NWD2: variants seen among roughly 807,000 people sequenced by gnomAD.
The protein encoded by NWD2 is NACHT and WD repeat domain containing 2.
NWD2 carries 37 observed loss-of-function variants against 132.7 expected under a neutral mutation model. That is an observed-to-expected ratio of 0.28 (90% CI 0.21 to 0.37). The LOEUF (loss-of-function observed/expected upper bound fraction) is 0.37. Among genes scored for constraint, NWD2 ranks in the 10% least tolerant of loss-of-function variants. NWD2 has a pLI of 1.00. For missense variants in NWD2, 1,592 were observed against 2,122.4 expected (o/e 0.75, Z 4.91); for synonymous variants, 705 against 803.0 (o/e 0.88, Z 2.06).
rs776717117 is a variant in NWD2, at chr4:37,445,868, A to G, written c.3880A>G (p.Thr1294Ala). ...SHHNMLLSLS[T>A]SGVLSIWDID... ...CCACAATATGCTACTGTCTTTATCAACCAGTGGTGTTCTTTCCATTTGGGA... is the reference window on the plus strand; with the variant it reads ...CCACAATATGCTACTGTCTTTATCAGCCAGTGGTGTTCTTTCCATTTGGGA... Residue 1294 changes from threonine (T) to alanine (A), a missense_variant, in exon 7 of 7, where the codon ACC (threonine) becomes GCC (alanine). This residue lies in a region of NWD2 where 1,071 missense variants were observed against 1,398.0 expected (regional missense o/e 0.77). Coordinates refer to ENST00000309447, the MANE Select transcript of NWD2 (RefSeq NM_001144990.2). The surrounding 1 kb of genome is among the most constrained non-coding windows in gnomAD (Gnocchi z 4.7). 63 of 1,551,894 alleles carry G rather than the reference A, an allele frequency of 4.1e-5. No homozygotes were observed. Among genetic ancestry groups the G allele is most frequent in the Non-Finnish European group, 4.4e-5 (50 of 1,147,048 alleles).
At chr4:37,424,404 C>G (rs1560252371) in intron 3 of NWD2, among the ~76,000 whole-genome samples, 1 of 152,148 alleles carries the variant, frequency 6.6e-6, no homozygotes, top group Non-Finnish European at 1.5e-5. Flanking sequence ...CTTGGGCAAG[C>G]CTGCTGAGGT....
At chr4:37,378,970 A>G (rs1720401026) in intron 3 of NWD2, among the ~76,000 whole-genome samples, 1 of 152,254 alleles carries the variant, frequency 6.6e-6, no homozygotes, top group South Asian at 2.1e-4. Context: ...TTATAAAGCT[A>G]CTTACAATTG....
At chr4:37,257,563 A>G (rs755166547) in intron 1 of NWD2, among the ~76,000 whole-genome samples, 2 of 152,220 alleles carry the variant, frequency 1.3e-5, no homozygotes, top group African/African-American at 2.4e-5. Flanking sequence ...CTTAAAAATT[A>G]TAGGTCAGAA....
chr4:37,335,469 A>G (rs1719387450), intron 2 of NWD2, among the ~76,000 whole-genome samples: 1 of 152,084 alleles, frequency 6.6e-6, no homozygotes, highest in Non-Finnish European at 1.5e-5. Context: ...TCCCCCACTA[A>G]CTGGGAGCTC....
At chr4:37,341,368 C>T (rs1719519494) in intron 2 of NWD2, among the ~76,000 whole-genome samples, 1 of 152,126 alleles carries the variant, frequency 6.6e-6, no homozygotes, top group Non-Finnish European at 1.5e-5. Context: ...AGGATATAAC[C>T]TCACTGTAAG....
chr4:37,326,439 GC>G (rs1356167108), intron 2 of NWD2, among the ~76,000 whole-genome samples: 30 of 152,110 alleles, frequency 2.0e-4, no homozygotes, highest in Middle Eastern at 3.4e-3. Flanking sequence ...CTTCTGTCTT[GC>G]CTTTAACTTT....
At chr4:37,388,557 T>C (rs1167616292) in intron 3 of NWD2, among the ~76,000 whole-genome samples, 1 of 150,414 alleles carries the variant, frequency 6.6e-6, no homozygotes, top group African/African-American at 2.4e-5. Context: ...GTTTTACTTC[T>C]ATTGTGGAAA....
intron 5 of NWD2, among the ~76,000 whole-genome samples, chr4:37,436,616 G>T (rs1453526192): frequency 6.6e-6 from 1 of 152,122 alleles, no homozygotes; most frequent in Non-Finnish European, 1.5e-5. Context: ...GGAGTCAAAG[G>T]TGGCAGAGCA....
At chr4:37,284,049 C>A (rs375598404) in intron 1 of NWD2, among the ~76,000 whole-genome samples, 1 of 152,144 alleles carries the variant, frequency 6.6e-6, no homozygotes, top group African/African-American at 2.4e-5. Context: ...TCAGTATAGA[C>A]CATTTATCTT....
Position 37,356,359 on chromosome 4 carries a change from TC to T in NWD2, c.241-3del. 1 of 1,486,282 alleles carries T rather than the reference TC, an allele frequency of 6.7e-7. No homozygotes were observed. The highest frequency in any genetic ancestry group is 9.1e-7 in the Non-Finnish European group (1 of 1,093,220). 92.1% of individuals were successfully genotyped at this position (1,486,282 alleles called of 1,614,324 possible). On this transcript the variant is annotated splice_polypyrimidine_tract_variant and splice_region_variant and intron_variant, in intron 2 of 6. Transcript: ENST00000309447. Reference sequence around the variant, plus strand: ...TAAACTAATGCTCTTCATCCATCTGTCCCCAGGTCATAGATCTGTACTGGGG... The same window carrying T: ...TAAACTAATGCTCTTCATCCATCTGTCCCAGGTCATAGATCTGTACTGGGG...
intron 3 of NWD2, among the ~76,000 whole-genome samples, chr4:37,414,497 A>G (rs1293065165): frequency 6.6e-6 from 1 of 152,028 alleles, no homozygotes; most frequent in Non-Finnish European, 1.5e-5. Context: ...GAAATAAACA[A>G]AGATAAATTA....
chr4:37,349,644 A>C (rs1719721572), intron 2 of NWD2, among the ~76,000 whole-genome samples: 1 of 152,050 alleles, frequency 6.6e-6, no homozygotes, highest in African/African-American at 2.4e-5. Context: ...TTGCCTGTTC[A>C]CTCTGATGAT....
intron 1 of NWD2, among the ~76,000 whole-genome samples, chr4:37,288,584 C>T (rs1718290296): frequency 1.3e-5 from 2 of 152,218 alleles, no homozygotes; most frequent in Non-Finnish European, 2.9e-5. Context: ...CTCAGGACAG[C>T]ATGTGCAGAA....
chr4:37,377,327 T>G (rs1720366001), intron 3 of NWD2, among the ~76,000 whole-genome samples: 1 of 152,208 alleles, frequency 6.6e-6, no homozygotes, highest in South Asian at 2.1e-4. Flanking sequence ...TAACTCAATG[T>G]TTAGCTTAGT....
chr4:37,443,793 A>G lies in NWD2; in HGVS notation c.1805A>G (p.Asn602Ser), dbSNP rs1712553043. The change falls in exon 7 of 7, where the codon AAT (asparagine) becomes AGT (serine). Residue 602 changes from asparagine (N) to serine (S), a missense_variant. By Grantham distance (46) the Asn-to-Ser change is conservative (BLOSUM62 1). This residue lies in a region of NWD2 where 1,071 missense variants were observed against 1,398.0 expected (regional missense o/e 0.77). Coordinates refer to ENST00000309447, the MANE Select transcript of NWD2 (RefSeq NM_001144990.2). This position sits in a 1 kb window ranked among gnomAD's most constrained non-coding sequence, Gnocchi z 4.1. ...TCAGGCCAGCAGATTTATGTGAACA[A>G]TGCATTATCCAAGTGCACACTGCCA... ...VTSGQQIYVN[N>S]ALSKCTLPMF... is the part of the protein sequence containing the mutation. The G allele has an allele frequency of 6.4e-7, 1 of 1,552,096 alleles. No individual in the cohort carries two copies. The highest frequency in any genetic ancestry group is 8.7e-7 in the Non-Finnish European group (1 of 1,147,094).
chr4:37,335,301 G>T (rs1189634116), intron 2 of NWD2, among the ~76,000 whole-genome samples: 8 of 3,122 alleles, frequency 2.6e-3, no homozygotes, highest in East Asian at 0.12. Context: ...GGGGGTGGGC[G>T]GGGGGGGGGG....
chr4:37,322,460 T>G (rs1036872210), intron 1 of NWD2, among the ~76,000 whole-genome samples: 3 of 151,952 alleles, frequency 2.0e-5, no homozygotes, highest in Non-Finnish European at 4.4e-5. Context: ...GGTCTGCAAG[T>G]GGGAATATAA....
intron 2 of NWD2, among the ~76,000 whole-genome samples, chr4:37,334,315 T>C (rs1026670330): frequency 3.3e-5 from 5 of 152,222 alleles, no homozygotes; most frequent in Non-Finnish European, 5.9e-5. Context: ...CAATAGGATC[T>C]CTCTTTAATG....
At position 37,422,166 on chromosome 4, in the gene NWD2, T is replaced by C. The variant is rs1028040006; in HGVS notation, c.358-8406T>C. 3.3e-5 allele frequency among the ~76,000 whole-genome samples: 5 copies of C among 152,200 alleles called. No individual in the cohort carries two copies. In the East Asian group the frequency reaches 7.7e-4, roughly 23 times the overall value. On this transcript the variant is annotated intron_variant, in intron 3 of 6. Coordinates refer to ENST00000309447, the MANE Select transcript of NWD2 (RefSeq NM_001144990.2). ...CCATAGCAATACTGGCCTTTCTTTA[T>C]AGAGAAACTGAATTTAAGTAACTCA...
Sources: gnomAD v4.1 joint callset for allele counts (sites outside exome capture counted in the v4.1 genomes callset) on GRCh38, gnomAD v4.1.1 for gene constraint, gnomAD v4.1.1 regional missense constraint, Gnocchi (gnomAD v3.1) non-coding constraint, MANE v1.5 for transcripts, NCBI Gene and HGNC (gene_info 2026-07-23, HGNC 2026-07-21) for gene names.